Variants in DACH2 observed in about 807,000 individuals in gnomAD.
The protein encoded by DACH2 is dachshund family transcription factor 2.
A neutral mutation model predicts 35.8 loss-of-function variants in DACH2; 17 were observed. The ratio of observed to expected loss-of-function variants is 0.48; its 90% CI spans 0.33 to 0.71. The LOEUF (loss-of-function observed/expected upper bound fraction) is 0.71, where lower values mean the gene tolerates loss of function less well. Among genes scored for constraint, DACH2 ranks in the 30% least tolerant of loss-of-function variants. The pLI is 0.02. For missense variants in DACH2, 469 were observed against 472.7 expected (o/e 0.99, Z 0.07); for synonymous variants, 195 against 177.3 (o/e 1.10, Z -0.79).
intron 2 of DACH2, among the ~76,000 whole-genome samples, chrX:86,454,882 G>A (rs974115536): frequency 6.3e-5 from 7 of 111,881 alleles, no homozygotes; most frequent in Admixed American, 9.5e-5. Flanking sequence ...CAGCATTTTT[G>A]TGTTGATCAT....
intron 3 of DACH2, among the ~76,000 whole-genome samples, chrX:86,648,395 G>A (rs2050195): frequency 0.27 from 30,220 of 109,923 alleles, 3,350 homozygotes; most frequent in East Asian, 0.67. Flanking sequence ...CCAGACCTGC[G>A]TTTTGAGAAC....
intron 4 of DACH2, among the ~76,000 whole-genome samples, chrX:86,668,888 G>C (rs764481804): frequency 9.0e-6 from 1 of 111,585 alleles, no homozygotes; most frequent in Non-Finnish European, 1.9e-5. Flanking sequence ...TTATTGCAAA[G>C]ACTAGGTAGA....
At chrX:86,219,944 G>A (rs1412233890) in intron 1 of DACH2, among the ~76,000 whole-genome samples, 1 of 101,465 alleles carries the variant, frequency 9.9e-6, no homozygotes, top group South Asian at 5.0e-4. Flanking sequence ...ATCATTTGAG[G>A]TCAGGAGTTC....
intron 2 of DACH2, among the ~76,000 whole-genome samples, chrX:86,498,117 T>C (rs1425935290): frequency 3.6e-5 from 4 of 112,182 alleles, no homozygotes; most frequent in Non-Finnish European, 5.6e-5. Flanking sequence ...TTTTAATTTT[T>C]TCTTATCAAG....
At chrX:86,683,531 C>T (rs765917056) in intron 4 of DACH2, among the ~76,000 whole-genome samples, 3 of 111,614 alleles carry the variant, frequency 2.7e-5, no homozygotes, top group Non-Finnish European at 3.8e-5. Context: ...GTTTTTTGCA[C>T]ATGGCCATGA....
At chrX:86,387,003 T>G (rs2036132208) in intron 2 of DACH2, among the ~76,000 whole-genome samples, 1 of 111,767 alleles carries the variant, frequency 8.9e-6, no homozygotes, top group South Asian at 3.7e-4. Flanking sequence ...CCCATTACTC[T>G]TATAACATCC....
intron 2 of DACH2, among the ~76,000 whole-genome samples, chrX:86,449,234 C>T (rs1353623581): frequency 1.5e-5 from 1 of 68,246 alleles, no homozygotes; most frequent in African/African-American, 5.4e-5. Context: ...TTTGTTGATC[C>T]TTTCAAAAAA....
At chrX:86,157,643 T>A (rs1174515516) in intron 1 of DACH2, among the ~76,000 whole-genome samples, 1 of 111,241 alleles carries the variant, frequency 9.0e-6, no homozygotes, top group Non-Finnish European at 1.9e-5. Flanking sequence ...GTATAAAAGG[T>A]GTATTGGATT....
At chrX:86,720,483 C>T (rs1397817997) in intron 6 of DACH2, among the ~76,000 whole-genome samples, 2 of 111,909 alleles carry the variant, frequency 1.8e-5, no homozygotes, top group East Asian at 5.7e-4. Context: ...ATAGGGCAAT[C>T]ATTAAACCTT....
At chrX:86,628,099 G>T (rs1466533295) in intron 3 of DACH2, among the ~76,000 whole-genome samples, 1 of 112,141 alleles carries the variant, frequency 8.9e-6, no homozygotes, top group East Asian at 2.8e-4. Flanking sequence ...CATGCATTTT[G>T]TTATTCTGCA....
intron 1 of DACH2, among the ~76,000 whole-genome samples, chrX:86,358,905 G>T (rs187367545): frequency 9.0e-6 from 1 of 111,593 alleles, no homozygotes; most frequent in African/African-American, 3.3e-5. Context: ...TGGATAAGAA[G>T]CTAGGCCTGC....
Position 86,148,538 on chromosome X carries a change from T to G in DACH2, c.-83T>G. Reference sequence around the variant, plus strand: ...GAGAGCGCGCCAGAGAGAGCGAGAGTGAGGGAGTGAGTGCGAGGGGATCTA... The same window carrying G: ...GAGAGCGCGCCAGAGAGAGCGAGAGGGAGGGAGTGAGTGCGAGGGGATCTA... On this transcript the variant is annotated 5_prime_UTR_variant, in exon 1 of 12. Coordinates refer to ENST00000373125, the MANE Select transcript of DACH2 (RefSeq NM_053281.3). The G allele has an allele frequency of 9.8e-7, 1 of 1,016,149 alleles. No individual in the cohort carries two copies. The highest frequency in any genetic ancestry group is 1.3e-6 in the Non-Finnish European group (1 of 769,804). The allele number at this position is 1,016,149 out of a possible 1,213,427, so 83.7% of individuals were successfully genotyped here.
chrX:86,822,365 G>A (rs148003222), intron 11 of DACH2, among the ~76,000 whole-genome samples: 1,213 of 112,056 alleles, frequency 0.011, 19 homozygotes, highest in Non-Finnish European at 0.014. Context: ...AAAAAGAAAG[G>A]CAGGACCTAT....
At chrX:86,238,177 T>C (rs2033094075) in intron 1 of DACH2, among the ~76,000 whole-genome samples, 1 of 112,485 alleles carries the variant, frequency 8.9e-6, no homozygotes, top group Non-Finnish European at 1.9e-5. Flanking sequence ...TTTTACCTCA[T>C]TGAACTCATT....
At chrX:86,625,804 G>A (rs1164842984) in intron 3 of DACH2, among the ~76,000 whole-genome samples, 1 of 110,914 alleles carries the variant, frequency 9.0e-6, no homozygotes, top group African/African-American at 3.3e-5. Context: ...TCACTATCAC[G>A]AGAACAGCAT....
chrX:86,599,024 A>G (rs372247984), intron 3 of DACH2, among the ~76,000 whole-genome samples: 5 of 109,935 alleles, frequency 4.5e-5, no homozygotes, highest in African/African-American at 1.7e-4. Flanking sequence ...TCATTGTTCA[A>G]TTCCCACCTA....
chrX:86,728,350 G>A (rs188186708), intron 6 of DACH2, among the ~76,000 whole-genome samples: 1 of 112,009 alleles, frequency 8.9e-6, no homozygotes, highest in African/African-American at 3.2e-5. Flanking sequence ...AATAATGAAA[G>A]GTTGAAAGTT....
chrX:86,291,206 C>G (rs764245532), intron 1 of DACH2, among the ~76,000 whole-genome samples: 3 of 109,264 alleles, frequency 2.7e-5, no homozygotes, highest in African/African-American at 1.0e-4. Flanking sequence ...AGAGTTCACT[C>G]ATGATTTGGC....
At chrX:86,388,857 CAGA>C (rs2036159893) in intron 2 of DACH2, among the ~76,000 whole-genome samples, 1 of 111,631 alleles carries the variant, frequency 9.0e-6, no homozygotes, top group Non-Finnish European at 1.9e-5. Context: ...TGGTCGGAGT[CAGA>C]AATTCTCTAA....
Sources: allele counts gnomAD v4.1 joint callset (sites outside exome capture counted in the v4.1 genomes callset), GRCh38; gene constraint gnomAD v4.1.1; transcripts MANE v1.5; gene names NCBI Gene and HGNC (gene_info 2026-07-23, HGNC 2026-07-21).